SPAST: variants seen among roughly 807,000 people sequenced by gnomAD.
SPAST encodes the protein spastic paraplegia 4 (autosomal dominant; spastin).
SPAST carries 30 observed loss-of-function variants against 76.6 expected under a neutral mutation model. The ratio of observed to expected loss-of-function variants is 0.39; its 90% CI spans 0.29 to 0.53. The LOEUF (loss-of-function observed/expected upper bound fraction) is 0.53. SPAST is among the 20% of genes least tolerant of loss of function. The pLI is 0.68. For synonymous variants in SPAST, 305 were observed against 281.0 expected, an observed-to-expected ratio of 1.09 and a Z score of -0.86; for missense variants, 717 against 770.5, an observed-to-expected ratio of 0.93 and a Z score of 0.82.
intron 7 of SPAST, among the ~76,000 whole-genome samples, chr2:32,119,956 G>C (rs1678961301): frequency 6.6e-6 from 1 of 150,874 alleles, no homozygotes; most frequent in Admixed American, 6.6e-5. Flanking sequence ...ATTTATAGAA[G>C]AATGTGATTG....
intron 15 of SPAST, among the ~76,000 whole-genome samples, chr2:32,146,416 C>A (rs1046003674): frequency 2.0e-5 from 3 of 151,856 alleles, no homozygotes; most frequent in Admixed American, 6.6e-5. Context: ...AATAAATTAA[C>A]CAGGCCCGTT....
chr2:32,077,560 C>G (rs761968320), intron 1 of SPAST, among the ~76,000 whole-genome samples: 1 of 151,994 alleles, frequency 6.6e-6, no homozygotes, highest in Non-Finnish European at 1.5e-5. Flanking sequence ...AGTTTGACGC[C>G]CAGACAGATT....
At chr2:32,105,034 T>A (rs1678265649) in intron 4 of SPAST, among the ~76,000 whole-genome samples, 1 of 152,202 alleles carries the variant, frequency 6.6e-6, no homozygotes, top group African/African-American at 2.4e-5. Context: ...CTGGATAATA[T>A]CCTGCAGAGT....
At chr2:32,093,154 C>CA (rs1003184875) in intron 3 of SPAST, among the ~76,000 whole-genome samples, 2 of 151,402 alleles carry the variant, frequency 1.3e-5, no homozygotes, top group African/African-American at 4.8e-5. Context: ...ACTAAAAATA[C>CA]AAAAAAATTA....
At chr2:32,082,718 T>C (rs1018480403) in intron 1 of SPAST, among the ~76,000 whole-genome samples, 4 of 151,948 alleles carry the variant, frequency 2.6e-5, no homozygotes, top group Non-Finnish European at 5.9e-5. Flanking sequence ...ATCAGATCTG[T>C]CCCTATGGTT....
At chr2:32,091,812 C>A (rs1432767762) in intron 3 of SPAST, among the ~76,000 whole-genome samples, 1 of 150,670 alleles carries the variant, frequency 6.6e-6, no homozygotes, top group African/African-American at 2.4e-5. Context: ...CCAGGCTGGG[C>A]AAAAGAGCGA....
At chr2:32,124,846 A>G (rs1169882040) in intron 7 of SPAST, among the ~76,000 whole-genome samples, 1 of 152,226 alleles carries the variant, frequency 6.6e-6, no homozygotes, top group Non-Finnish European at 1.5e-5. Context: ...AGGCAAAACT[A>G]TGGAAACAGT....
At chr2:32,151,593 A>AAC (rs1331612078) in intron 16 of SPAST, among the ~76,000 whole-genome samples, 1 of 152,082 alleles carries the variant, frequency 6.6e-6, no homozygotes, top group Non-Finnish European at 1.5e-5. Context: ...GTTACCGGTG[A>AAC]ATATATATAA....
intron 13 of SPAST, 133 bp from the exon 14 acceptor site, chr2:32,143,203 G>C (rs887585241): frequency 5.9e-5 from 36 of 613,924 alleles, no homozygotes; most frequent in Non-Finnish European, 8.9e-5. Flanking sequence ...AGGATATCGA[G>C]GCTATAGTGA....
At chr2:32,080,595 G>A (rs1173302636) in intron 1 of SPAST, among the ~76,000 whole-genome samples, 1 of 124,744 alleles carries the variant, frequency 8.0e-6, no homozygotes, top group East Asian at 3.4e-4. Context: ...GGGACTGTTG[G>A]GAGCTAATGT....
chr2:32,109,790 A>G (rs908490157), intron 4 of SPAST, among the ~76,000 whole-genome samples: 2 of 148,440 alleles, frequency 1.3e-5, no homozygotes, highest in African/African-American at 4.9e-5. Flanking sequence ...GCACATACAT[A>G]TATAGTTACA....
chr2:32,072,128 C>T (rs955317847), intron 1 of SPAST, among the ~76,000 whole-genome samples: 4 of 152,108 alleles, frequency 2.6e-5, no homozygotes, highest in African/African-American at 4.8e-5. Context: ...CTGCAAGCTC[C>T]GCCTCCTGTG....
At chr2:32,097,646 C>T (rs893767836) in intron 3 of SPAST, among the ~76,000 whole-genome samples, 1 of 151,366 alleles carries the variant, frequency 6.6e-6, no homozygotes, top group East Asian at 1.9e-4. Context: ...TCATTCTGTG[C>T]TACTTTAAAT....
At chr2:32,065,902 G>A (rs1006867075) in intron 1 of SPAST, 3 of 152,026 alleles carry the variant, frequency 2.0e-5, no homozygotes, top group South Asian at 2.1e-4. Flanking sequence ...GTTAAGAGAG[G>A]TCAAGGAGGG....
intron 3 of SPAST, among the ~76,000 whole-genome samples, chr2:32,091,052 A>C (rs986376670): frequency 1.5e-4 from 23 of 151,968 alleles, no homozygotes; most frequent in Non-Finnish European, 2.6e-4. Flanking sequence ...TTAAATATAT[A>C]TTAATAAGTT....
intron 9 of SPAST, among the ~76,000 whole-genome samples, chr2:32,132,414 A>C (rs960877649): frequency 1.3e-5 from 2 of 152,084 alleles, no homozygotes; most frequent in African/African-American, 4.8e-5. Context: ...AGAAAAAGAA[A>C]ATTGAAATGT....
intron 9 of SPAST, among the ~76,000 whole-genome samples, chr2:32,131,851 G>T (rs1237183904): frequency 6.6e-6 from 1 of 151,476 alleles, no homozygotes; most frequent in African/African-American, 2.4e-5. Context: ...TAGTAGAGAC[G>T]GGGTTTCACC....
Position 32,064,146 on chromosome 2 carries a change from G to A in SPAST, c.315G>A (p.Pro105=), listed in dbSNP as rs761254257. The part of the protein sequence containing the change: ...AAPAPASASA[P]APVPGGEAER... ...CAGCACCTGCCTCGGCCTCGGCCCC[G>A]GCGCCGGTGCCGGGCGGCGAGGCCG... The change falls in exon 1 of 17, where the codon CCG becomes CCA. Residue 105 remains proline, a synonymous_variant. Transcript: ENST00000315285. The A allele has an allele frequency of 8.3e-6, 13 of 1,562,236 alleles. No homozygotes were observed. The African/African-American group carries it at 1.5e-4, about 18-fold the overall frequency.
At chr2:32,105,833 CA>C (rs1678299614) in intron 4 of SPAST, among the ~76,000 whole-genome samples, 1 of 152,128 alleles carries the variant, frequency 6.6e-6, no homozygotes, top group Non-Finnish European at 1.5e-5. Flanking sequence ...CTTCGTCTGA[CA>C]GGGGTACCCA....
Sources: allele counts gnomAD v4.1 joint callset (sites outside exome capture counted in the v4.1 genomes callset), GRCh38; gene constraint gnomAD v4.1.1; transcripts MANE v1.5; gene names NCBI Gene and HGNC (gene_info 2026-07-23, HGNC 2026-07-21).